The following GABRB1 variants were observed in gnomAD, a reference collection of about 807,000 sequenced individuals.
GABRB1 encodes the protein gamma-aminobutyric acid type A receptor subunit beta1.
GABRB1 carries 17 observed loss-of-function variants against 51.6 expected under a neutral mutation model. That is an observed-to-expected ratio of 0.33 (90% CI 0.23 to 0.49). The LOEUF is 0.49. Ranked by LOEUF, GABRB1 falls within the 20% of genes least tolerant of loss-of-function variation. The pLI is 0.99. For missense variants in GABRB1, 410 were observed against 600.6 expected (o/e 0.68, Z 3.32); for synonymous variants, 247 against 218.9 (o/e 1.13, Z -1.14).
chr4:47,236,359 A>T (rs1317633397), intron 4 of GABRB1, among the ~76,000 whole-genome samples: 2 of 152,138 alleles, frequency 1.3e-5, no homozygotes, highest in Non-Finnish European at 2.9e-5. Context: ...AATGAATTAC[A>T]TACATCTATA....
At chr4:47,403,190 A>C (rs1232723652) in intron 5 of GABRB1, 128 bp from the exon 6 acceptor site, 1 of 912,840 alleles carries the variant, frequency 1.1e-6, no homozygotes, top group Non-Finnish European at 1.7e-6. Context: ...TGAGACCTGC[A>C]TACCACCCTA....
chr4:47,135,531 A>G lies in GABRB1; in HGVS notation c.241-25718A>G, dbSNP rs556530584. 5.9e-5 allele frequency among the ~76,000 whole-genome samples: 9 copies of G among 152,214 alleles called. No individual in the cohort carries two copies. In the East Asian group the frequency reaches 1.7e-3, roughly 30 times the overall value. On this transcript the variant is annotated intron_variant, in intron 3 of 8. Transcript: ENST00000295454. ...TGAAAGAGAAAGAAGTAAAGATACC[A>G]TTCTGAAATCTTATGTTATCAAAGT...
chr4:47,317,796 C>T (rs774024438), intron 4 of GABRB1, among the ~76,000 whole-genome samples: 7 of 151,462 alleles, frequency 4.6e-5, no homozygotes, highest in Non-Finnish European at 7.4e-5. Flanking sequence ...GATAGTTTAG[C>T]GCAAATGACC....
At chr4:47,140,331 G>A (rs947471319) in intron 3 of GABRB1, among the ~76,000 whole-genome samples, 1 of 151,934 alleles carries the variant, frequency 6.6e-6, no homozygotes, top group Non-Finnish European at 1.5e-5. Flanking sequence ...GTTCATTGAA[G>A]CCAAACATTT....
intron 1 of GABRB1, among the ~76,000 whole-genome samples, chr4:47,021,274 A>C (rs181117863): frequency 6.6e-6 from 1 of 152,306 alleles, no homozygotes; most frequent in Admixed American, 6.5e-5. Context: ...CATTTATTGC[A>C]TATCTGTTTT....
intron 3 of GABRB1, among the ~76,000 whole-genome samples, chr4:47,077,541 G>A (rs904832923): frequency 8.6e-5 from 13 of 151,868 alleles, no homozygotes; most frequent in Non-Finnish European, 1.6e-4. Context: ...CAATCAGCAA[G>A]TTTTCCATTA....
At chr4:47,303,553 A>AT (rs1359379378) in intron 4 of GABRB1, among the ~76,000 whole-genome samples, 5 of 151,568 alleles carry the variant, frequency 3.3e-5, no homozygotes, top group African/African-American at 9.7e-5. Flanking sequence ...TATTTTCTTC[A>AT]TTTTTTTACT....
intron 4 of GABRB1, among the ~76,000 whole-genome samples, chr4:47,205,399 G>T (rs1431074561): frequency 6.6e-6 from 1 of 152,158 alleles, no homozygotes; most frequent in Non-Finnish European, 1.5e-5. Flanking sequence ...TATGCTGCTT[G>T]TGAGGATTAT....
chr4:47,025,162 T>G (rs1725052084), intron 1 of GABRB1, among the ~76,000 whole-genome samples: 1 of 151,178 alleles, frequency 6.6e-6, no homozygotes, highest in Admixed American at 6.6e-5. Context: ...CGTATTTGGG[T>G]TGGCTCCACA....
chr4:47,301,911 T>C (rs1724277627), intron 4 of GABRB1, among the ~76,000 whole-genome samples: 2 of 152,194 alleles, frequency 1.3e-5, no homozygotes, highest in South Asian at 2.1e-4. Flanking sequence ...AAATAATTCA[T>C]AGACAGTGAA....
chr4:47,230,176 C>T lies in GABRB1; in HGVS notation c.461+68707C>T, dbSNP rs527848226. Among the ~76,000 whole-genome samples, 10 of 152,108 alleles carry T rather than the reference C, an allele frequency of 6.6e-5. No homozygotes were observed. In the East Asian group the frequency reaches 1.7e-3, roughly 26 times the overall value. The stretch of plus-strand genomic sequence containing the variant: ...TTTCCATTTTCCCAAAGCTTTGAGG[C>T]TAGGTAAAAGGAAGAGTATTGCTAA... On this transcript the variant is annotated intron_variant, in intron 4 of 8. Transcript: ENST00000295454.
intron 4 of GABRB1, among the ~76,000 whole-genome samples, chr4:47,166,182 T>C (rs16860005): frequency 0.018 from 2,760 of 152,236 alleles, 91 homozygotes; most frequent in African/African-American, 0.063. Context: ...TTAAATATTT[T>C]ATCCCATAAA....
At chr4:47,399,784 CATTCCATA>C in intron 5 of GABRB1, among the ~76,000 whole-genome samples, 1 of 152,280 alleles carries the variant, frequency 6.6e-6, no homozygotes, top group South Asian at 2.1e-4. Flanking sequence ...CTGTGGGTGT[CATTCCATA>C]ATCTTTTCTT....
chr4:47,266,368 C>G (rs1375760300), intron 4 of GABRB1, among the ~76,000 whole-genome samples: 1 of 152,060 alleles, frequency 6.6e-6, no homozygotes, highest in Non-Finnish European at 1.5e-5. Flanking sequence ...ATGCCTCCAG[C>G]TTTGTTCTTT....
intron 4 of GABRB1, among the ~76,000 whole-genome samples, chr4:47,241,825 A>G (rs1173759038): frequency 6.6e-6 from 1 of 152,132 alleles, no homozygotes; most frequent in Non-Finnish European, 1.5e-5. Context: ...CTAATATTCT[A>G]CTTGAGAAAT....
chr4:47,124,673 A>T (rs1021231854), intron 3 of GABRB1, among the ~76,000 whole-genome samples: 1 of 152,224 alleles, frequency 6.6e-6, no homozygotes, highest in Non-Finnish European at 1.5e-5. Context: ...GAAATTGCAG[A>T]AAAGAACCTA....
At chr4:47,425,562 T>A in intron 8 of GABRB1, 112 bp from the exon 9 acceptor site, 1 of 788,528 alleles carries the variant, frequency 1.3e-6, no homozygotes, top group Non-Finnish European at 2.1e-6. Flanking sequence ...TCAAGCCAGA[T>A]GTTTAGGAAC....
At chr4:47,165,031 C>T (rs1307296730) in intron 4 of GABRB1, among the ~76,000 whole-genome samples, 1 of 152,122 alleles carries the variant, frequency 6.6e-6, no homozygotes, top group Non-Finnish European at 1.5e-5. Context: ...CATGATGTGC[C>T]GTAAGTTGTG....
intron 3 of GABRB1, among the ~76,000 whole-genome samples, chr4:47,048,076 A>G (rs1726178202): frequency 6.6e-6 from 1 of 152,162 alleles, no homozygotes; most frequent in South Asian, 2.1e-4. Context: ...TTCTCTTAAC[A>G]TCTTTCCTGA....
Sources: allele counts gnomAD v4.1 joint callset (sites outside exome capture counted in the v4.1 genomes callset), GRCh38; gene constraint gnomAD v4.1.1; transcripts MANE v1.5; gene names NCBI Gene and HGNC (gene_info 2026-07-23, HGNC 2026-07-21).